Variants in NKAIN2 observed in about 807,000 individuals in gnomAD.
The protein encoded by NKAIN2 is sodium/potassium transporting ATPase interacting 2.
In NKAIN2, 14 loss-of-function variants were observed where a neutral mutation model predicts 32.6. The ratio of observed to expected loss-of-function variants is 0.43; its 90% CI spans 0.28 to 0.67. The LOEUF (loss-of-function observed/expected upper bound fraction) is 0.67. Among genes scored for constraint, NKAIN2 ranks in the 30% least tolerant of loss-of-function variants. The probability of loss-of-function intolerance (pLI) is 0.17; values close to 1 mark genes in which losing one functional copy is unlikely to be tolerated. For missense variants in NKAIN2, 198 were observed against 258.3 expected, an observed-to-expected ratio of 0.77 and a Z score of 1.60; for synonymous variants, 80 against 87.2, an observed-to-expected ratio of 0.92 and a Z score of 0.46.
chr6:124,539,541 ATGTT>A (rs1310097606), intron 3 of NKAIN2, among the ~76,000 whole-genome samples: 7 of 152,190 alleles, frequency 4.6e-5, no homozygotes, highest in Non-Finnish European at 8.8e-5. Flanking sequence ...AATTCAGACA[ATGTT>A]TGTATTACTA....
At chr6:124,186,266 GA>G (rs1789735690) in intron 1 of NKAIN2, among the ~76,000 whole-genome samples, 1 of 151,928 alleles carries the variant, frequency 6.6e-6, no homozygotes, top group Non-Finnish European at 1.5e-5. Context: ...AAAAAGAAAA[GA>G]AAAGGAGAAA....
At chr6:124,468,251 A>G (rs2114665934) in intron 3 of NKAIN2, among the ~76,000 whole-genome samples, 1 of 152,278 alleles carries the variant, frequency 6.6e-6, no homozygotes, top group South Asian at 2.1e-4. Context: ...GACCAGGGTG[A>G]TACACTTATA....
chr6:124,714,332 T>C (rs1775645998), intron 4 of NKAIN2, among the ~76,000 whole-genome samples: 1 of 152,248 alleles, frequency 6.6e-6, no homozygotes, highest in African/African-American at 2.4e-5. Flanking sequence ...TTTGCAGGAA[T>C]ATATTAAATG....
intron 1 of NKAIN2, among the ~76,000 whole-genome samples, chr6:123,913,857 C>T (rs17086322): frequency 0.012 from 1,878 of 152,178 alleles, 39 homozygotes; most frequent in African/African-American, 0.043. Context: ...GATTAATCCT[C>T]AGGCAATATA....
rs373829672 is a variant in NKAIN2, at chr6:124,527,867, AAG to A, written c.274-130313_274-130312del. On this transcript the variant is annotated intron_variant, in intron 3 of 6. Coordinates refer to ENST00000368417, the MANE Select transcript of NKAIN2 (RefSeq NM_001040214.3). ...AAGGGAGTTGAAAAGGCATTCTAGAAAGAGAGAAGAGCATGTGCAAATATAAG... is the reference window on the plus strand; with the variant it reads ...AAGGGAGTTGAAAAGGCATTCTAGAAAGAGAAGAGCATGTGCAAATATAAG... 2.6e-5 allele frequency among the ~76,000 whole-genome samples: 4 copies of A among 152,160 alleles called. No homozygotes were observed. The East Asian group carries it at 7.7e-4, about 29-fold the overall frequency.
intron 1 of NKAIN2, among the ~76,000 whole-genome samples, chr6:123,938,539 A>G (rs1776662347): frequency 7.2e-6 from 1 of 138,872 alleles, no homozygotes; most frequent in South Asian, 2.1e-4. Context: ...TATATTTTTT[A>G]TATATTATAT....
chr6:124,000,643 A>G (rs55880792), intron 1 of NKAIN2, among the ~76,000 whole-genome samples: 29 of 152,176 alleles, frequency 1.9e-4, no homozygotes, highest in Non-Finnish European at 3.8e-4. Context: ...ATTATCTCCA[A>G]AAATATACTC....
chr6:123,869,409 A>G (rs746783001), intron 1 of NKAIN2, among the ~76,000 whole-genome samples: 1 of 152,166 alleles, frequency 6.6e-6, no homozygotes, highest in Non-Finnish European at 1.5e-5. Context: ...TGCAGCTCTC[A>G]TACTCCCTTC....
chr6:124,559,089 G>T (rs576687503), intron 3 of NKAIN2, among the ~76,000 whole-genome samples: 2 of 152,092 alleles, frequency 1.3e-5, no homozygotes, highest in African/African-American at 4.8e-5. Flanking sequence ...TCGTTTTCCT[G>T]TTTACTCCTC....
intron 1 of NKAIN2, among the ~76,000 whole-genome samples, chr6:124,230,577 G>C (rs115366110): frequency 1.3e-5 from 2 of 152,246 alleles, no homozygotes; most frequent in East Asian, 1.9e-4. Flanking sequence ...ATGGGCCCAG[G>C]GTCCCAATGC....
At chr6:123,867,921 T>A (rs569019420) in intron 1 of NKAIN2, among the ~76,000 whole-genome samples, 5 of 148,844 alleles carry the variant, frequency 3.4e-5, no homozygotes, top group East Asian at 2.0e-4. Flanking sequence ...CAGGCTGGAG[T>A]GCAGTGGCGT....
At chr6:124,201,153 C>T (rs1240761768) in intron 1 of NKAIN2, among the ~76,000 whole-genome samples, 4 of 151,972 alleles carry the variant, frequency 2.6e-5, no homozygotes, top group African/African-American at 4.8e-5. Flanking sequence ...CATACTAATA[C>T]ATATTTGTTC....
chr6:124,735,916 A>G (rs911963339), intron 4 of NKAIN2, among the ~76,000 whole-genome samples: 2 of 151,882 alleles, frequency 1.3e-5, no homozygotes, highest in Non-Finnish European at 2.9e-5. Flanking sequence ...TAGTAACCCT[A>G]CAATGGCTTC....
intron 3 of NKAIN2, among the ~76,000 whole-genome samples, chr6:124,469,011 A>G (rs145377305): frequency 6.6e-6 from 1 of 152,302 alleles, no homozygotes; most frequent in African/African-American, 2.4e-5. Flanking sequence ...ACTTATATCA[A>G]TTCTGCCCTT....
chr6:124,736,846 G>A (rs920669457), intron 4 of NKAIN2, among the ~76,000 whole-genome samples: 2 of 151,902 alleles, frequency 1.3e-5, no homozygotes, highest in African/African-American at 4.8e-5. Flanking sequence ...TTTTATGCCT[G>A]CTAACACAAC....
chr6:124,171,937 C>G (rs1320310668), intron 1 of NKAIN2, among the ~76,000 whole-genome samples: 1 of 150,898 alleles, frequency 6.6e-6, no homozygotes, highest in Non-Finnish European at 1.5e-5. Flanking sequence ...CTCAGCCTCC[C>G]AAGCAACTGG....
Position 123,956,614 on chromosome 6 carries a change from T to C in NKAIN2, c.54+152360T>C, listed in dbSNP as rs558693239. Reference sequence around the variant, plus strand: ...TTCTGCATTTAAGCCACCCCATCTGTGGTATTTTGTTATGGCAGCCTGAGC... The same window carrying C: ...TTCTGCATTTAAGCCACCCCATCTGCGGTATTTTGTTATGGCAGCCTGAGC... On this transcript the variant is annotated intron_variant, in intron 1 of 6. Transcript: ENST00000368417. 1.7e-3 allele frequency among the ~76,000 whole-genome samples: 252 copies of C among 152,316 alleles called. 1 individual carries two copies. Among genetic ancestry groups the C allele is most frequent in the South Asian group, 3.3e-3 (16 of 4,830 alleles).
intron 1 of NKAIN2, among the ~76,000 whole-genome samples, chr6:123,860,893 A>G (rs923842418): frequency 1.1e-4 from 17 of 152,134 alleles, no homozygotes; most frequent in African/African-American, 3.9e-4. Context: ...AGCCTACCAG[A>G]AATATCAACT....
chr6:124,473,000 A>G (rs1777038053), intron 3 of NKAIN2, among the ~76,000 whole-genome samples: 1 of 152,178 alleles, frequency 6.6e-6, no homozygotes, highest in Non-Finnish European at 1.5e-5. Flanking sequence ...AGCAGGACTC[A>G]CCAGTGATTA....
Sources: allele counts gnomAD v4.1 joint callset (sites outside exome capture counted in the v4.1 genomes callset), GRCh38; gene constraint gnomAD v4.1.1; transcripts MANE v1.5; gene names NCBI Gene and HGNC (gene_info 2026-07-23, HGNC 2026-07-21).